Variants in FAM228B observed in about 807,000 individuals in gnomAD.
FAM228B encodes the protein family with sequence similarity 228 member B.
A neutral mutation model predicts 42.6 loss-of-function variants in FAM228B; 38 were observed. That is an observed-to-expected ratio of 0.89 (90% confidence interval 0.69 to 1.17). The LOEUF (loss-of-function observed/expected upper bound fraction) is 1.17, where lower values mean the gene tolerates loss of function less well. Ranked by LOEUF, FAM228B falls within the 50% of genes most tolerant of loss-of-function variation. The pLI is 0.00. For missense variants in FAM228B, 344 were observed against 367.3 expected (o/e 0.94, Z 0.52); for synonymous variants, 109 against 122.3 (o/e 0.89, Z 0.72).
rs754667093 is a variant in FAM228B at position 24,077,735 on chromosome 2, G to T, written c.-290+766G>T. On this transcript the variant is annotated intron_variant, in intron 1 of 10. Coordinates refer to the FAM228B transcript ENST00000613899. This position sits in a 1 kb window ranked among gnomAD's most constrained non-coding sequence, Gnocchi z 5.5. ...AGAAGTGAGGCAGAATTTGCTCCGTGAAAGCATTCACCAGCATTTGCTTGT... is the reference window on the plus strand; with the variant it reads ...AGAAGTGAGGCAGAATTTGCTCCGTTAAAGCATTCACCAGCATTTGCTTGT... 1.2e-5 allele frequency: 19 copies of T among 1,613,866 alleles called. No homozygotes were observed. The South Asian group carries it at 1.9e-4, about 16-fold the overall frequency.
In FAM228B at chr2:24,079,737, T is replaced by C. The variant is rs1293337978; in HGVS notation, c.-289-1139T>C. ...TTATGGATATAAATACAGATGCAAG[T>C]GGTAAATCTATAGGTTGGAATTAGA... is the stretch of plus-strand genomic sequence containing the variant. On this transcript the variant is annotated intron_variant, in intron 1 of 10. Coordinates refer to the FAM228B transcript ENST00000613899. The C allele has an allele frequency of 3.3e-6, 4 of 1,195,580 alleles. No individual in the cohort carries two copies. The African/African-American group carries it at 6.1e-5, about 18-fold the overall frequency. 74.1% of individuals were successfully genotyped at this position (1,195,580 alleles called of 1,614,324 possible). A position where few individuals can be genotyped will look rare whatever the true frequency, so the allele number is the denominator to read the frequency against.
chr2:24,111,094 C>T (rs542262508), intron 3 of FAM228B, among the ~76,000 whole-genome samples: 6 of 152,082 alleles, frequency 3.9e-5, no homozygotes, highest in East Asian at 3.9e-4. Flanking sequence ...AGAGTCTCGC[C>T]GTGTCACCTA....
At chr2:24,092,502 G>C (rs1175036684) in intron 2 of FAM228B, among the ~76,000 whole-genome samples, 1 of 152,070 alleles carries the variant, frequency 6.6e-6, no homozygotes, top group East Asian at 1.9e-4. Context: ...TTGAGCCTGG[G>C]AGGCAGAGGT....
At chr2:24,079,088 T>A in intron 1 of FAM228B, 1 of 190,224 alleles carries the variant, frequency 5.3e-6, no homozygotes, top group South Asian at 1.1e-4. Flanking sequence ...GCTTACTTAT[T>A]TTTTTACTCA....
intron 2 of FAM228B, among the ~76,000 whole-genome samples, chr2:24,129,211 G>T (rs183143312): frequency 1.4e-4 from 21 of 152,014 alleles, no homozygotes; most frequent in African/African-American, 5.1e-4. Flanking sequence ...AATTCAGGCA[G>T]ACAGTTGGGC....
At chr2:24,106,118 C>T (rs1573740016) in intron 3 of FAM228B, among the ~76,000 whole-genome samples, 1 of 151,872 alleles carries the variant, frequency 6.6e-6, no homozygotes, top group Non-Finnish European at 1.5e-5. Flanking sequence ...TGCAGAGAAC[C>T]CTGAGAGATA....
At chr2:24,155,850 T>C (rs1667129751) in intron 7 of FAM228B, among the ~76,000 whole-genome samples, 1 of 152,100 alleles carries the variant, frequency 6.6e-6, no homozygotes, top group African/African-American at 2.4e-5. Context: ...ACCATGCTCA[T>C]ATTTTTATTT....
chr2:24,089,437 T>C (rs1036938321), intron 2 of FAM228B, among the ~76,000 whole-genome samples: 4 of 152,120 alleles, frequency 2.6e-5, no homozygotes, highest in African/African-American at 9.7e-5. Flanking sequence ...AAAAGGAAGA[T>C]TTTTTTAGCA....
rs202099326 is a variant in FAM228B at position 24,149,607 on chromosome 2, ATTT to A, written c.686+2524_686+2526del. Among the ~76,000 whole-genome samples, 297 of 152,158 alleles carry A rather than the reference ATTT, an allele frequency of 2.0e-3. 2 individuals are homozygous for A. The highest frequency in any genetic ancestry group is 0.018 in the East Asian group (91 of 5,180). ...GCCACCACACCCAGCTGATTTTTGT[ATTT>A]TTAGTAGAGACGGGGTTTCACCATA... On this transcript the variant is annotated intron_variant, in intron 7 of 10. Transcript: ENST00000615575.
At chr2:24,083,621 G>GC (rs1273605081) in intron 2 of FAM228B, among the ~76,000 whole-genome samples, 1 of 152,154 alleles carries the variant, frequency 6.6e-6, no homozygotes, top group Non-Finnish European at 1.5e-5. Flanking sequence ...TTTCTTTTGT[G>GC]CCCCGGGGGA....
intron 8 of FAM228B, among the ~76,000 whole-genome samples, 177 bp downstream of exon 8, chr2:24,161,790 G>A (rs1476432538): frequency 6.6e-6 from 1 of 152,184 alleles, no homozygotes; most frequent in Non-Finnish European, 1.5e-5. Flanking sequence ...ACACTTCCCA[G>A]GCTTTTCTGG....
At chr2:24,166,066 T>TATATATATATATAC (rs1286374799) in intron 9 of FAM228B, 1 of 144,040 alleles carries the variant, frequency 6.9e-6, no homozygotes, top group Non-Finnish European at 1.5e-5. Flanking sequence ...TATATATATA[T>TATATATATATATAC]ATATATGTAT....
At chr2:24,127,338 T>G (rs1666339928) in intron 2 of FAM228B, among the ~76,000 whole-genome samples, 1 of 152,268 alleles carries the variant, frequency 6.6e-6, no homozygotes, top group Non-Finnish European at 1.5e-5. Flanking sequence ...GTTTATCCCT[T>G]CATCAGTGGA....
intron 3 of FAM228B, among the ~76,000 whole-genome samples, chr2:24,105,029 A>ACCC (rs1665677104): frequency 6.6e-6 from 1 of 152,204 alleles, no homozygotes; most frequent in Admixed American, 6.5e-5. Context: ...TTGTCAAGGG[A>ACCC]CGCAGCCTCC....
intron 2 of FAM228B, among the ~76,000 whole-genome samples, chr2:24,125,065 A>G (rs766228402): frequency 1.4e-4 from 22 of 152,306 alleles, no homozygotes; most frequent in Non-Finnish European, 3.2e-4. Flanking sequence ...TGTAATTGAT[A>G]TACAGTAAAC....
Position 24,077,233 on chromosome 2 carries a change from C to G in FAM228B, c.-290+264C>G, listed in dbSNP as rs541506825. Among the ~76,000 whole-genome samples the G allele has an allele frequency of 1.3e-4, 20 of 152,164 alleles. No homozygotes were observed. The East Asian group carries it at 3.9e-3, about 30-fold the overall frequency. On this transcript the variant is annotated intron_variant, in intron 1 of 10. Transcript: ENST00000613899. The surrounding 1 kb of genome is among the most constrained non-coding windows in gnomAD (Gnocchi z 5.5). The stretch of plus-strand genomic sequence containing the variant: ...TGCCGGAGGTGGTGGGCCTGGGCCT[C>G]TAGCTGTGCGCAAGGCGGAATATGT...
chr2:24,169,251 G>C lies in FAM228B; in HGVS notation c.*15-105G>C, dbSNP rs1475026004. 5.2e-6 allele frequency: 2 copies of C among 385,812 alleles called. No homozygotes were observed. Among genetic ancestry groups the C allele is most frequent in the Non-Finnish European group, 1.2e-5 (2 of 168,756 alleles). The allele number at this position is 385,812 out of a possible 1,614,324, so 23.9% of individuals were successfully genotyped here. ...TGAGTCACTCGGCTCTGGCAGGACA[G>C]GCTTCAGGGGGATCAGCTCAGCTTA... On this transcript the variant is annotated intron_variant, in intron 10 of 10. Transcript: ENST00000615575. This position sits in a 1 kb window ranked among gnomAD's most constrained non-coding sequence, Gnocchi z 4.2.
chr2:24,088,467 C>T (rs1022652068), intron 2 of FAM228B, among the ~76,000 whole-genome samples: 1 of 152,150 alleles, frequency 6.6e-6, no homozygotes, highest in African/African-American at 2.4e-5. Context: ...TCTCCTGCCT[C>T]AGCCTCCCAA....
chr2:24,157,938 C>G (rs1038736434), intron 7 of FAM228B, among the ~76,000 whole-genome samples: 2 of 152,122 alleles, frequency 1.3e-5, no homozygotes, highest in Non-Finnish European at 2.9e-5. Flanking sequence ...AGCCTACATT[C>G]TAAAACACAG....
Sources: gnomAD v4.1 joint callset for allele counts (sites outside exome capture counted in the v4.1 genomes callset) on GRCh38, gnomAD v4.1.1 for gene constraint, Gnocchi (gnomAD v3.1) non-coding constraint, MANE v1.5 for transcripts, NCBI Gene and HGNC (gene_info 2026-07-23, HGNC 2026-07-21) for gene names.